ARHGEF39: variants seen among roughly 807,000 people sequenced by gnomAD.
ARHGEF39 encodes Rho guanine nucleotide exchange factor 39, also known as Rho guanine nucleotide exchange factor (GEF) 39.
A neutral mutation model predicts 47.5 loss-of-function variants in ARHGEF39; 45 were observed. The ratio of observed to expected loss-of-function variants is 0.95; its 90% CI spans 0.75 to 1.22. The LOEUF is 1.22. Among genes scored for constraint, ARHGEF39 ranks in the 50% most tolerant of loss-of-function variants. The probability of loss-of-function intolerance (pLI) is 0.00; values close to 1 mark genes in which losing one functional copy is unlikely to be tolerated. For missense variants in ARHGEF39, 411 were observed against 425.3 expected, an observed-to-expected ratio of 0.97 and a Z score of 0.30; for synonymous variants, 164 against 167.8, an observed-to-expected ratio of 0.98 and a Z score of 0.17.
rs370226016 is a variant in ARHGEF39 at position 35,664,136 on chromosome 9, G to T, written c.355-10C>A. On this transcript the variant is annotated splice_polypyrimidine_tract_variant and intron_variant, in intron 3 of 8. Coordinates refer to ENST00000378387, the MANE Select transcript of ARHGEF39 (RefSeq NM_032818.3). ...TTTTCTTTAGCTGCTCCTGGAGTGA[G>T]GGAGAAAGGATTGGAAGCAGGGAGA... The T allele has an allele frequency of 6.2e-6, 10 of 1,611,688 alleles. No homozygotes were observed. In the Admixed American group the frequency reaches 1.3e-4, roughly 21 times the overall value.
Position 35,661,648 on chromosome 9 carries a change from G to C in ARHGEF39, c.*339C>G. ...TTAGTTGGGTTGGACTTGGTTTCCT[G>C]ATTCTTCTTTTTTAATAAAATTTCT... On this transcript the variant is annotated 3_prime_UTR_variant, in exon 9 of 9. Transcript: ENST00000378387. The C allele has an allele frequency of 2.4e-6, 1 of 423,392 alleles. No homozygotes were observed. Among genetic ancestry groups the C allele is most frequent in the Non-Finnish European group, 4.2e-6 (1 of 240,314 alleles). The allele number at this position is 423,392 out of a possible 1,614,324, so 26.2% of individuals were successfully genotyped here.
In ARHGEF39 at chr9:35,663,377, G is replaced by C; in HGVS notation, c.489C>G (p.Val163=). The change falls in exon 5 of 9, where the codon GTC becomes GTG. Residue 163 remains valine, a synonymous_variant. Transcript: ENST00000378387. ...GACCTGTGTTTTCAGCCAAAGCTAC[G>C]ACGAGATTCTCATACCTGGAATTCA... The part of the protein sequence containing the change: ...LQRLQQYENL[V]VALAENTGPN... The C allele has an allele frequency of 1.2e-6, 2 of 1,613,764 alleles. No homozygotes were observed. Among genetic ancestry groups the C allele is most frequent in the African/African-American group, 1.3e-5 (1 of 75,018 alleles).
In ARHGEF39 at chr9:35,662,575, C is replaced by T. The variant is rs768296127; in HGVS notation, c.840G>A (p.Met280Ile). The change falls in exon 7 of 9, where the codon ATG becomes ATA. Residue 280 changes from methionine to isoleucine, a missense_variant. Physicochemically the swap from Met to Ile is conservative, Grantham distance 10. Coordinates refer to ENST00000378387, the MANE Select transcript of ARHGEF39 (RefSeq NM_032818.3). ...GTFACKALYP[M>I]AQCHLSRVFG... ...AGACCCTGCTGAGATGACACTGGGC[C>T]ATGGGGTAGAGGGCCTTGCAGGCAA... 1.8e-5 allele frequency: 29 copies of T among 1,614,080 alleles called. No homozygotes were observed. The South Asian group carries it at 3.2e-4, about 18-fold the overall frequency.
rs773001874 is a variant in ARHGEF39 at position 35,662,662 on chromosome 9, G to A, written c.753C>T (p.Phe251=). 1 of 1,609,820 alleles carries A rather than the reference G, an allele frequency of 6.2e-7. No homozygotes were observed. The highest frequency in any genetic ancestry group is 2.2e-5 in the East Asian group (1 of 44,638). Residue 251 remains phenylalanine (F), a synonymous_variant, in exon 7 of 9, where the codon TTC becomes TTT. Coordinates refer to ENST00000378387, the MANE Select transcript of ARHGEF39 (RefSeq NM_032818.3). ...GCTTGGCCATGAGGAGCACATCAGT[G>A]AAGAGGAAGAACATGCGGGGCCGAG... The part of the protein sequence containing the change: ...GEPRPRMFFL[F]TDVLLMAKPR...
At position 35,662,369 on chromosome 9, in the gene ARHGEF39, T is replaced by C. The variant is rs1823998591; in HGVS notation, c.904-102A>G. 26 of 1,401,474 alleles carry C rather than the reference T, an allele frequency of 1.9e-5. No homozygotes were observed. The South Asian group carries it at 3.2e-4, about 17-fold the overall frequency. The allele number at this position is 1,401,474 out of a possible 1,614,324, so 86.8% of individuals were successfully genotyped here. ...GCTAATTCAGGGATGAGACAATGACTAGGTATGAAGCCCGAGCCCCAGCTA... is the reference window on the plus strand; with the variant it reads ...GCTAATTCAGGGATGAGACAATGACCAGGTATGAAGCCCGAGCCCCAGCTA... On this transcript the variant is annotated intron_variant, in intron 7 of 8. Coordinates refer to ENST00000378387, the MANE Select transcript of ARHGEF39 (RefSeq NM_032818.3).
chr9:35,663,283 G>A lies in ARHGEF39; in HGVS notation c.544+39C>T, dbSNP rs771156915. On this transcript the variant is annotated intron_variant, in intron 5 of 8. Coordinates refer to ENST00000378387, the MANE Select transcript of ARHGEF39 (RefSeq NM_032818.3). ...AGAATCAGAAAGGAATACAGGAGAG[G>A]AAGCCTCCAGCCTGCGTTGCCGAGG... The A allele has an allele frequency of 4.4e-6, 7 of 1,605,754 alleles. No homozygotes were observed. The South Asian group carries it at 7.7e-5, about 18-fold the overall frequency.
chr9:35,660,524 C>G lies in ARHGEF39; in HGVS notation c.*1463G>C. On this transcript the variant is annotated 3_prime_UTR_variant, in exon 9 of 9. Transcript: ENST00000378387. ...TTAGGGGACAGCAGAAGATACATAA[C>G]CACTTCTGCCCCCTTTTTTCCCTTA... is the stretch of plus-strand genomic sequence containing the variant. 1 of 1,612,998 alleles carries G rather than the reference C, an allele frequency of 6.2e-7. No individual in the cohort carries two copies. The highest frequency in any genetic ancestry group is 1.1e-5 in the South Asian group (1 of 91,010).
In ARHGEF39 at chr9:35,665,014, G is replaced by A. The variant is rs1244582487; in HGVS notation, c.138+18C>T. ...GGGGTCCCTGTCCTATAATGGGAGC[G>A]TGTGCCAGGTCCCCCACCGTGGCCA... On this transcript the variant is annotated intron_variant, in intron 1 of 8. Coordinates refer to ENST00000378387, the MANE Select transcript of ARHGEF39 (RefSeq NM_032818.3). 1.3e-6 allele frequency: 2 copies of A among 1,541,346 alleles called. No individual in the cohort carries two copies. Among genetic ancestry groups the A allele is most frequent in the African/African-American group, 2.7e-5 (2 of 73,826 alleles).
Position 35,662,700 on chromosome 9 carries a change from G to A in ARHGEF39, c.715C>T (p.Pro239Ser), listed in dbSNP as rs1824023053. The change falls in exon 7 of 9, where the codon CCC becomes TCC. Residue 239 changes from proline (P) to serine (S), a missense_variant. Physicochemically the swap from Pro to Ser is moderately conservative, Grantham distance 74. Transcript: ENST00000378387. ...LRQGWLLVVP[P>S]HGEPRPRMFF... is the part of the protein sequence containing the mutation. ...ATGCGGGGCCGAGGCTCCCCATGGG[G>A]AGGCACCACTAACAGCCAGCCCTGG... 6.3e-7 allele frequency: 1 copy of A among 1,577,014 alleles called. No individual in the cohort carries two copies. Among genetic ancestry groups the A allele is most frequent in the Non-Finnish European group, 8.6e-7 (1 of 1,161,606 alleles).
At position 35,663,341 on chromosome 9, in the gene ARHGEF39, A is replaced by G. The variant is rs1824073752; in HGVS notation, c.525T>C (p.Pro175=). 1 of 1,613,966 alleles carries G rather than the reference A, an allele frequency of 6.2e-7. No homozygotes were observed. The highest frequency in any genetic ancestry group is 1.1e-5 in the South Asian group (1 of 91,084). Residue 175 remains proline (P), a synonymous_variant, in exon 5 of 9, where the codon CCT becomes CCC. Transcript: ENST00000378387. ...ACCTACGTGTGAGCTGTTGATGGTC[A>G]GGGCTGTTGGGACCTGTGTTTTCAG... is the stretch of plus-strand genomic sequence containing the variant. The part of the protein sequence containing the change: ...ALAENTGPNS[P]DHQQLTRAAR...
rs1326019273 is a variant in ARHGEF39, at chr9:35,659,681, C to G, written c.*2306G>C. ...ACTGTAAAGACTGACGTTAATAAAC[C>G]AGAAAAAACTCAGGAAAGTGGGTGA... On this transcript the variant is annotated 3_prime_UTR_variant, in exon 9 of 9. Coordinates refer to ENST00000378387, the MANE Select transcript of ARHGEF39 (RefSeq NM_032818.3). The G allele has an allele frequency of 2.0e-5, 3 of 152,162 alleles. No individual in the cohort carries two copies. The highest frequency in any genetic ancestry group is 7.2e-5 in the African/African-American group (3 of 41,432). The allele number at this position is 152,162 out of a possible 1,614,324, so 9.4% of individuals were successfully genotyped here.
chr9:35,664,473 C>T lies in ARHGEF39; in HGVS notation c.253G>A (p.Glu85Lys). Reference sequence around the variant, plus strand: ...AGCCCTTGGCCCCAGCATCCTCCTTCCAGGTAGGGAAGCAGCTCCCTGTGT... The same window carrying T: ...AGCCCTTGGCCCCAGCATCCTCCTTTCAGGTAGGGAAGCAGCTCCCTGTGT... ...GASQELLPYL[E>K]GGCWGQGLEG... Residue 85 changes from glutamate to lysine, a missense_variant, in exon 3 of 9, where the codon GAA (glutamate) becomes AAA (lysine). By Grantham distance (56) the Glu-to-Lys change is moderately conservative. Transcript: ENST00000378387. 6.2e-7 allele frequency: 1 copy of T among 1,605,500 alleles called. No homozygotes were observed. The highest frequency in any genetic ancestry group is 1.1e-5 in the South Asian group (1 of 90,154).
At position 35,660,914 on chromosome 9, in the gene ARHGEF39, A is replaced by G. The variant is rs1017031441; in HGVS notation, c.*1073T>C. On this transcript the variant is annotated 3_prime_UTR_variant, in exon 9 of 9. Coordinates refer to ENST00000378387, the MANE Select transcript of ARHGEF39 (RefSeq NM_032818.3). ...GTGGAGACAAAGTCTCTGAAACTGG[A>G]ACATTCCTGATCTCTCCCCACACAG... The G allele has an allele frequency of 3.7e-6, 6 of 1,614,054 alleles. No individual in the cohort carries two copies. In the African/African-American group the frequency reaches 8.0e-5, roughly 22 times the overall value.
Position 35,661,202 on chromosome 9 carries a change from G to A in ARHGEF39, c.*785C>T. 1 of 1,566,512 alleles carries A rather than the reference G, an allele frequency of 6.4e-7. No individual in the cohort carries two copies. Among genetic ancestry groups the A allele is most frequent in the South Asian group, 1.2e-5 (1 of 83,424 alleles). ...TGTTTTCATGATGGAGTGCTCCTGT[G>A]TGTTTTTTCGATCCTAGTTGGTTGT... On this transcript the variant is annotated 3_prime_UTR_variant, in exon 9 of 9. Transcript: ENST00000378387.
chr9:35,661,933 T>G lies in ARHGEF39; in HGVS notation c.*54A>C. On this transcript the variant is annotated 3_prime_UTR_variant, in exon 9 of 9. Coordinates refer to ENST00000378387, the MANE Select transcript of ARHGEF39 (RefSeq NM_032818.3). ...CAGTACTGAAGATTCCTTTGTACTC[T>G]TGGCTGTGACCTATCCCTGAGGTAT... The G allele has an allele frequency of 6.3e-7, 1 of 1,583,186 alleles. No homozygotes were observed. Among genetic ancestry groups the G allele is most frequent in the Non-Finnish European group, 8.6e-7 (1 of 1,161,050 alleles).
chr9:35,661,814 G>T lies in ARHGEF39; in HGVS notation c.*173C>A, dbSNP rs572319479. The T allele has an allele frequency of 5.4e-6, 4 of 735,252 alleles. No individual in the cohort carries two copies. In the South Asian group the frequency reaches 6.1e-5, roughly 11 times the overall value. 45.5% of individuals were successfully genotyped at this position (735,252 alleles called of 1,614,324 possible). On this transcript the variant is annotated 3_prime_UTR_variant, in exon 9 of 9. Transcript: ENST00000378387. ...CAGGCATGAGCCACTGTGCCTGGCCGTGATTTTTAAGAGTTGGTCAGATGA... is the reference window on the plus strand; with the variant it reads ...CAGGCATGAGCCACTGTGCCTGGCCTTGATTTTTAAGAGTTGGTCAGATGA...
At position 35,662,540 on chromosome 9, in the gene ARHGEF39, G is replaced by A; in HGVS notation, c.875C>T (p.Ser292Leu). 6.2e-7 allele frequency: 1 copy of A among 1,614,072 alleles called. No individual in the cohort carries two copies. The highest frequency in any genetic ancestry group is 8.5e-7 in the Non-Finnish European group (1 of 1,179,968). Residue 292 changes from serine to leucine, a missense_variant, in exon 7 of 9, where the codon TCA (serine) becomes TTA (leucine). Ser to Leu is a moderately radical substitution (Grantham distance 145). Coordinates refer to ENST00000378387, the MANE Select transcript of ARHGEF39 (RefSeq NM_032818.3). ...QCHLSRVFGH[S>L]GGPCGGLLSL... ...GAGCAACCCACCACAAGGGCCTCCT[G>A]AGTGGCCAAAGACCCTGCTGAGATG...
intron 6 of ARHGEF39, 54 bp downstream of exon 6, chr9:35,662,892 G>C (rs2131824466): frequency 6.3e-7 from 1 of 1,597,488 alleles, no homozygotes; most frequent in Admixed American, 1.7e-5. Context: ...TTTGGAGTTA[G>C]ATAAAAATAA....
chr9:35,662,378 A>G, intron 7 of ARHGEF39, 111 bp from the exon 8 acceptor site: 1 of 1,380,066 alleles, frequency 7.2e-7, no homozygotes, highest in East Asian at 2.3e-5. Flanking sequence ...CTAGGTATGA[A>G]GCCCGAGCCC....
Sources: allele counts gnomAD v4.1 joint callset, GRCh38; gene constraint gnomAD v4.1.1; transcripts MANE v1.5; gene names NCBI Gene and HGNC (gene_info 2026-07-23, HGNC 2026-07-21).